The following SOX5 variants were observed in gnomAD, a reference collection of about 807,000 sequenced individuals.
SOX5 encodes transcription factor SOX-5.
In SOX5, 9 loss-of-function variants were observed where a neutral mutation model predicts 92.0. The ratio of observed to expected loss-of-function variants is 0.10; its 90% CI spans 0.06 to 0.17. The LOEUF (loss-of-function observed/expected upper bound fraction) is 0.17. Among genes scored for constraint, SOX5 ranks in the 10% least tolerant of loss-of-function variants. The pLI is 1.00. For synonymous variants in SOX5, 344 were observed against 336.3 expected, an observed-to-expected ratio of 1.02 and a Z score of -0.25; for missense variants, 642 against 944.5, an observed-to-expected ratio of 0.68 and a Z score of 4.20.
intron 3 of SOX5, among the ~76,000 whole-genome samples, chr12:23,769,046 A>G (rs2094835313): frequency 6.6e-6 from 1 of 152,176 alleles, no homozygotes; most frequent in African/African-American, 2.4e-5. Context: ...AGTAGGTATC[A>G]ATGTATTATT....
chr12:23,565,892 T>C (rs1345039294), intron 10 of SOX5, among the ~76,000 whole-genome samples: 1 of 152,232 alleles, frequency 6.6e-6, no homozygotes, highest in Non-Finnish European at 1.5e-5. Flanking sequence ...TCCTTAACCC[T>C]GCTGACTCCG....
chr12:24,044,043 CATT>C (rs1409194359), intron 4 of SOX5, among the ~76,000 whole-genome samples: 8 of 152,094 alleles, frequency 5.3e-5, no homozygotes, highest in African/African-American at 9.7e-5. Flanking sequence ...AAATTGTCAT[CATT>C]GTTGTTTTAT....
chr12:24,465,467 T>G (rs1944122761), intron 1 of SOX5, among the ~76,000 whole-genome samples: 1 of 152,194 alleles, frequency 6.6e-6, no homozygotes, highest in Non-Finnish European at 1.5e-5. Context: ...CTGTTTTGGA[T>G]GCTGAAAATT....
intron 9 of SOX5, among the ~76,000 whole-genome samples, chr12:23,593,736 T>C (rs147995083): frequency 5.5e-4 from 84 of 152,214 alleles, no homozygotes; most frequent in African/African-American, 1.9e-3. Context: ...TTTATAAAAG[T>C]TTTACAGAAG....
Position 24,212,476 on chromosome 12 carries a change from G to A in SOX5, c.-2+867C>T, listed in dbSNP as rs766480187. On this transcript the variant is annotated intron_variant, in intron 4 of 4. Coordinates refer to the SOX5 transcript ENST00000446891. ...AGGAGCTAAGACACACTCCAGGGGA[G>A]CTGTGGAAGCAGTAACACGGGAGGG... 7.5e-6 allele frequency: 4 copies of A among 533,974 alleles called. No individual in the cohort carries two copies. In the African/African-American group the frequency reaches 7.7e-5, roughly 10 times the overall value. 33.1% of individuals were successfully genotyped at this position (533,974 alleles called of 1,614,324 possible).
At chr12:24,163,962 A>T (rs758233419) in intron 4 of SOX5, among the ~76,000 whole-genome samples, 12 of 152,108 alleles carry the variant, frequency 7.9e-5, no homozygotes, top group Non-Finnish European at 1.5e-4. Context: ...AATTATTTCA[A>T]TAGAAGAGAA....
intron 8 of SOX5, among the ~76,000 whole-genome samples, chr12:23,627,937 A>T (rs1422878246): frequency 6.6e-6 from 1 of 151,890 alleles, no homozygotes; most frequent in African/African-American, 2.4e-5. Flanking sequence ...TATTCTATGT[A>T]CAAAAACTTG....
chr12:24,445,374 G>A (rs1275985782), intron 1 of SOX5, among the ~76,000 whole-genome samples: 1 of 152,028 alleles, frequency 6.6e-6, no homozygotes, highest in African/African-American at 2.4e-5. Flanking sequence ...AAAAAAAGGA[G>A]GTAAAAGGGA....
intron 4 of SOX5, among the ~76,000 whole-genome samples, chr12:24,046,715 T>C (rs1198301555): frequency 6.6e-6 from 1 of 151,442 alleles, no homozygotes; most frequent in Non-Finnish European, 1.5e-5. Context: ...CTCTTGCTTT[T>C]GTTGCCCAGG....
At chr12:23,848,058 C>T (rs942979037) in intron 2 of SOX5, among the ~76,000 whole-genome samples, 5 of 152,190 alleles carry the variant, frequency 3.3e-5, no homozygotes, top group Middle Eastern at 6.8e-3. Context: ...ATTGCGAAAC[C>T]TCTGTACTAA....
chr12:23,773,688 A>C (rs1009526608), intron 3 of SOX5, among the ~76,000 whole-genome samples: 43 of 152,050 alleles, frequency 2.8e-4, no homozygotes, highest in Non-Finnish European at 1.2e-4. Flanking sequence ...GGCATTTTTT[A>C]AGTTAAAACT....
intron 1 of SOX5, among the ~76,000 whole-genome samples, chr12:23,917,658 TC>T (rs1344823938): frequency 6.6e-6 from 1 of 152,172 alleles, no homozygotes; most frequent in Non-Finnish European, 1.5e-5. Flanking sequence ...ACTTTAAGTA[TC>T]CAAACACAAA....
intron 1 of SOX5, among the ~76,000 whole-genome samples, chr12:23,914,922 C>G (rs911860816): frequency 2.6e-5 from 4 of 152,076 alleles, no homozygotes; most frequent in African/African-American, 9.7e-5. Context: ...ATTGTAAACT[C>G]TGAGCCAAAA....
At chr12:24,168,536 C>T (rs1465421448) in intron 4 of SOX5, among the ~76,000 whole-genome samples, 2 of 151,980 alleles carry the variant, frequency 1.3e-5, no homozygotes, top group African/African-American at 2.4e-5. Flanking sequence ...GGTTTCAAAG[C>T]CTTCTTTTGA....
chr12:24,347,774 G>T (rs2141131043), intron 2 of SOX5, among the ~76,000 whole-genome samples: 1 of 152,284 alleles, frequency 6.6e-6, no homozygotes, highest in Non-Finnish European at 1.5e-5. Context: ...TATCTGTCAT[G>T]AATTGGCACT....
At chr12:24,399,422 C>T (rs898856960) in intron 1 of SOX5, among the ~76,000 whole-genome samples, 13 of 152,126 alleles carry the variant, frequency 8.5e-5, no homozygotes, top group Non-Finnish European at 1.9e-4. Context: ...TTTCAAGACA[C>T]AGGGAGTCCA....
At chr12:23,574,337 A>G (rs1948806900) in intron 10 of SOX5, among the ~76,000 whole-genome samples, 1 of 152,144 alleles carries the variant, frequency 6.6e-6, no homozygotes, top group Admixed American at 6.6e-5. Context: ...CTCTACCTAG[A>G]TAGTTCCTTG....
At chr12:24,550,184 T>C (rs1477262265) in intron 1 of SOX5, among the ~76,000 whole-genome samples, 1 of 152,190 alleles carries the variant, frequency 6.6e-6, no homozygotes, top group Admixed American at 6.5e-5. Flanking sequence ...AAAAATAAAC[T>C]GCTTAGTACA....
intron 9 of SOX5, among the ~76,000 whole-genome samples, chr12:23,594,606 T>C (rs1473838672): frequency 6.6e-6 from 1 of 152,144 alleles, no homozygotes; most frequent in Non-Finnish European, 1.5e-5. Context: ...AATGAGTACA[T>C]AATAACAATA....
Sources: gnomAD v4.1 joint callset for allele counts (sites outside exome capture counted in the v4.1 genomes callset) on GRCh38, gnomAD v4.1.1 for gene constraint, MANE v1.5 for transcripts, NCBI Gene and HGNC (gene_info 2026-07-23, HGNC 2026-07-21) for gene names.